The following WWOX variants were observed in gnomAD, a reference collection of about 807,000 sequenced individuals.
The protein encoded by WWOX is WW domain-containing oxidoreductase.
In WWOX, 69 loss-of-function variants were observed where a neutral mutation model predicts 46.2. The observed-to-expected ratio is 1.49, with a 90% CI of 1.23 to 1.82. The LOEUF (loss-of-function observed/expected upper bound fraction) is 1.82. Among genes scored for constraint, WWOX ranks in the 40% most tolerant of loss-of-function variants. The pLI, the probability that WWOX is intolerant of heterozygous loss-of-function variation, is 0.00. For missense variants in WWOX, 919 were observed against 542.6 expected, an observed-to-expected ratio of 1.69 and a Z score of -6.89; for synonymous variants, 359 against 202.6, an observed-to-expected ratio of 1.77 and a Z score of -6.56.
At chr16:78,851,561 C>A (rs1437657550) in intron 8 of WWOX, among the ~76,000 whole-genome samples, 1 of 152,166 alleles carries the variant, frequency 6.6e-6, no homozygotes, top group Non-Finnish European at 1.5e-5. Context: ...GTTTATTTTC[C>A]ATCTTTCCCA....
chr16:78,373,618 T>C (rs1305302939), intron 5 of WWOX, among the ~76,000 whole-genome samples: 1 of 151,062 alleles, frequency 6.6e-6, no homozygotes, highest in Non-Finnish European at 1.5e-5. Flanking sequence ...GTATCTTTTT[T>C]AAACAGCATA....
At chr16:79,209,060 A>G (rs1353277129) in intron 8 of WWOX, among the ~76,000 whole-genome samples, 3 of 152,248 alleles carry the variant, frequency 2.0e-5, no homozygotes, top group Non-Finnish European at 4.4e-5. Flanking sequence ...CTACAAAGCC[A>G]GAGCCACTTG....
chr16:79,061,467 C>T (rs2048356242), intron 8 of WWOX, among the ~76,000 whole-genome samples: 1 of 152,180 alleles, frequency 6.6e-6, no homozygotes, highest in South Asian at 2.1e-4. Context: ...GGGTGTAAAG[C>T]ATTCAGATCT....
intron 8 of WWOX, among the ~76,000 whole-genome samples, chr16:79,021,767 C>T (rs1267381606): frequency 1.3e-5 from 2 of 152,096 alleles, no homozygotes; most frequent in African/African-American, 4.8e-5. Flanking sequence ...CTGTGTACAC[C>T]CCCTCTTTCT....
chr16:78,859,464 T>C (rs1002081311), intron 8 of WWOX, among the ~76,000 whole-genome samples: 1 of 152,178 alleles, frequency 6.6e-6, no homozygotes, highest in Non-Finnish European at 1.5e-5. Flanking sequence ...TTTTTTACAG[T>C]GTTAAAAATT....
chr16:78,571,309 G>A (rs1032855414), intron 8 of WWOX, among the ~76,000 whole-genome samples: 3 of 152,140 alleles, frequency 2.0e-5, no homozygotes, highest in African/African-American at 7.2e-5. Context: ...CATACACCCA[G>A]TACACTTGGG....
At chr16:78,786,676 A>G (rs1353470862) in intron 8 of WWOX, among the ~76,000 whole-genome samples, 2 of 152,184 alleles carry the variant, frequency 1.3e-5, no homozygotes, top group East Asian at 1.9e-4. Context: ...TTGTCCCCGT[A>G]AAAGTAACTC....
At chr16:78,290,164 A>G (rs1356628816) in intron 5 of WWOX, among the ~76,000 whole-genome samples, 1 of 152,112 alleles carries the variant, frequency 6.6e-6, no homozygotes, top group Non-Finnish European at 1.5e-5. Context: ...TCTACACTGG[A>G]AGTGTAATCC....
chr16:79,090,489 C>G (rs922433589), intron 8 of WWOX, among the ~76,000 whole-genome samples: 3 of 152,158 alleles, frequency 2.0e-5, no homozygotes, highest in Non-Finnish European at 4.4e-5. Flanking sequence ...AGCTTTCATT[C>G]TACTTGGGGA....
intron 8 of WWOX, among the ~76,000 whole-genome samples, chr16:79,043,558 A>G (rs1288594786): frequency 6.6e-6 from 1 of 152,222 alleles, no homozygotes; most frequent in Non-Finnish European, 1.5e-5. Flanking sequence ...TTGCATGTGT[A>G]GTTAATTTGT....
intron 4 of WWOX, among the ~76,000 whole-genome samples, chr16:78,117,208 C>G (rs1384100037): frequency 6.6e-6 from 1 of 152,174 alleles, no homozygotes. Flanking sequence ...TTTGTGGACA[C>G]TGCAGGAGGT....
At chr16:78,191,492 G>A (rs1239545940) in intron 5 of WWOX, among the ~76,000 whole-genome samples, 1 of 152,176 alleles carries the variant, frequency 6.6e-6, no homozygotes, top group Non-Finnish European at 1.5e-5. Context: ...TGGTCCCAAC[G>A]TTTTAGGAAG....
chr16:79,119,970 C>T (rs1216017365), intron 8 of WWOX, among the ~76,000 whole-genome samples: 2 of 152,184 alleles, frequency 1.3e-5, no homozygotes, highest in African/African-American at 4.8e-5. Flanking sequence ...GACAAGACTC[C>T]ACTTTCCTAC....
intron 8 of WWOX, among the ~76,000 whole-genome samples, chr16:78,979,674 T>C (rs1470769892): frequency 1.3e-5 from 2 of 152,094 alleles, no homozygotes; most frequent in Non-Finnish European, 2.9e-5. Flanking sequence ...TCAGTACCCA[T>C]CTCTCAGAGC....
intron 8 of WWOX, among the ~76,000 whole-genome samples, chr16:79,177,232 C>G (rs1310668674): frequency 6.6e-6 from 1 of 152,170 alleles, no homozygotes; most frequent in South Asian, 2.1e-4. Context: ...ATCTTATCAG[C>G]CGCGAGTGCC....
At chr16:79,041,170 G>GTC (rs1334038781) in intron 8 of WWOX, among the ~76,000 whole-genome samples, 1 of 152,098 alleles carries the variant, frequency 6.6e-6, no homozygotes, top group Non-Finnish European at 1.5e-5. Flanking sequence ...TGACCCCATG[G>GTC]TCTTGCCCCA....
chr16:78,992,389 T>C (rs4580173), intron 8 of WWOX, among the ~76,000 whole-genome samples: 149,243 of 152,148 alleles, frequency 0.98, 73,279 homozygotes, highest in East Asian at 1. Flanking sequence ...ATTGCTTGAA[T>C]CCGGGAGGCA....
In WWOX at chr16:78,814,665, C is replaced by G. The variant is rs900487362; in HGVS notation, c.1056+381913C>G. On this transcript the variant is annotated intron_variant, in intron 8 of 8. Transcript: ENST00000566780. ...TCATGCACCTTAGACCTGGGAGAAACCAGCGTGACATCCAGGGTCAAGGTT... is the reference window on the plus strand; with the variant it reads ...TCATGCACCTTAGACCTGGGAGAAAGCAGCGTGACATCCAGGGTCAAGGTT... Among the ~76,000 whole-genome samples, 3 of 152,292 alleles carry G rather than the reference C, an allele frequency of 2.0e-5. No homozygotes were observed. The South Asian group carries it at 6.2e-4, about 32-fold the overall frequency.
rs149130072 is a variant in WWOX at position 78,550,821 on chromosome 16, A to C, written c.1056+118069A>C. The C allele has an allele frequency of 5.9e-4, 90 of 152,248 alleles. 1 individual carries two copies. Among genetic ancestry groups the C allele is most frequent in the African/African-American group, 2.0e-3 (84 of 41,538 alleles). 9.4% of individuals were successfully genotyped at this position (152,248 alleles called of 1,614,324 possible). On this transcript the variant is annotated intron_variant, in intron 8 of 8. Coordinates refer to ENST00000566780, the MANE Select transcript of WWOX (RefSeq NM_016373.4). ...TCAGGAGTGTGGAATGAAGAATTGG[A>C]ATATAAAGGCTGAGGGCGGACCTAA...
Sources: allele counts gnomAD v4.1 joint callset (sites outside exome capture counted in the v4.1 genomes callset), GRCh38; gene constraint gnomAD v4.1.1; transcripts MANE v1.5; gene names NCBI Gene and HGNC (gene_info 2026-07-23, HGNC 2026-07-21).